Variants in FBXL4 observed in about 807,000 individuals in gnomAD.
The protein encoded by FBXL4 is F-box/LRR-repeat protein 4.
A neutral mutation model predicts 58.9 loss-of-function variants in FBXL4; 40 were observed. The observed-to-expected ratio is 0.68, with a 90% CI of 0.53 to 0.88. The LOEUF is 0.88. Among genes scored for constraint, FBXL4 ranks in the 40% least tolerant of loss-of-function variants. The pLI, the probability that FBXL4 is intolerant of heterozygous loss-of-function variation, is 0.00. For missense variants in FBXL4, 676 were observed against 734.4 expected (o/e 0.92, Z 0.92); for synonymous variants, 263 against 265.5 (o/e 0.99, Z 0.09).
chr6:98,883,829 A>G (rs1263216411), intron 7 of FBXL4, among the ~76,000 whole-genome samples: 5 of 151,370 alleles, frequency 3.3e-5, no homozygotes, highest in Non-Finnish European at 7.4e-5. Flanking sequence ...TATGGCAAAT[A>G]GCTTTTCCTC....
At chr6:98,914,351 G>A (rs1045156575) in intron 5 of FBXL4, among the ~76,000 whole-genome samples, 1 of 152,170 alleles carries the variant, frequency 6.6e-6, no homozygotes, top group Non-Finnish European at 1.5e-5. Context: ...AAGCTGGGCA[G>A]AGACACAACC....
chr6:98,947,107 A>T (rs1773649053), intron 1 of FBXL4, among the ~76,000 whole-genome samples: 1 of 152,248 alleles, frequency 6.6e-6, no homozygotes. Flanking sequence ...ACCTGACCAC[A>T]GGCTTATACC....
Position 98,874,348 on chromosome 6 carries a change from T to C in FBXL4, c.1796A>G (p.Asp599Gly), listed in dbSNP as rs757279926. Residue 599 changes from aspartate to glycine, a missense_variant, in exon 10 of 10, where the codon GAT becomes GGT. Asp to Gly is a moderately conservative substitution (Grantham distance 94). Coordinates refer to ENST00000369244, the MANE Select transcript of FBXL4 (RefSeq NM_001278716.2). ...ATTCAGTTCTAGCACAGCTCTGTTA[T>C]CAATCTGCGAACAGAAGGACACATC... ...LLDVSFCSQIDNRAVLELNAS... is the reference protein window; with the variant it reads ...LLDVSFCSQIGNRAVLELNAS... 3.7e-6 allele frequency: 6 copies of C among 1,613,078 alleles called. No individual in the cohort carries two copies. In the South Asian group the frequency reaches 4.4e-5, roughly 12 times the overall value.
At chr6:98,876,519 G>GTTTAAT (rs1188375001) in intron 8 of FBXL4, among the ~76,000 whole-genome samples, 5 of 152,098 alleles carry the variant, frequency 3.3e-5, no homozygotes, top group Non-Finnish European at 7.4e-5. Context: ...TTGTTCTTTT[G>GTTTAAT]TTTAATTGTA....
At chr6:98,939,175 TGA>T (rs1387914357) in intron 1 of FBXL4, among the ~76,000 whole-genome samples, 1 of 146,046 alleles carries the variant, frequency 6.8e-6, no homozygotes, top group Non-Finnish European at 1.5e-5. Context: ...CGAAATGAAA[TGA>T]GAGAGAGAAA....
chr6:98,890,189 A>G (rs894637507), intron 7 of FBXL4, among the ~76,000 whole-genome samples: 2 of 152,200 alleles, frequency 1.3e-5, no homozygotes. Context: ...TTTAATAAAG[A>G]ATGTAACCCT....
At chr6:98,878,059 T>C (rs1308176810) in intron 8 of FBXL4, among the ~76,000 whole-genome samples, 3 of 152,168 alleles carry the variant, frequency 2.0e-5, no homozygotes, top group Non-Finnish European at 4.4e-5. Flanking sequence ...AGAAAAAAAG[T>C]GACACAACTA....
At chr6:98,908,253 T>C (rs936687493) in intron 5 of FBXL4, among the ~76,000 whole-genome samples, 3 of 152,218 alleles carry the variant, frequency 2.0e-5, no homozygotes, top group Non-Finnish European at 4.4e-5. Context: ...AATAAATGTG[T>C]ATGAAATTCT....
At chr6:98,942,105 A>G (rs1192619986) in intron 1 of FBXL4, among the ~76,000 whole-genome samples, 1 of 152,036 alleles carries the variant, frequency 6.6e-6, no homozygotes. Flanking sequence ...TCTTATTCAC[A>G]TAGAAAAAAC....
intron 7 of FBXL4, among the ~76,000 whole-genome samples, chr6:98,880,947 GAAC>G (rs977330913): frequency 2.6e-5 from 4 of 151,892 alleles, no homozygotes; most frequent in Admixed American, 1.3e-4. Context: ...GGCTACAATT[GAAC>G]AACAAGACAA....
At chr6:98,875,812 C>A in intron 8 of FBXL4, 85 bp from the exon 9 acceptor site, 1 of 1,335,878 alleles carries the variant, frequency 7.5e-7, no homozygotes, top group Non-Finnish European at 1.1e-6. Flanking sequence ...TAATTATAAC[C>A]TATTGCTTTG....
rs368029297 is a variant in FBXL4, at chr6:98,905,446, G to A, written c.1083C>T (p.Ile361=). 4.3e-5 allele frequency: 69 copies of A among 1,614,068 alleles called. No homozygotes were observed. In the African/African-American group the frequency reaches 8.5e-4, roughly 20 times the overall value. The change falls in exon 6 of 10, where the codon ATC becomes ATT. Residue 361 remains isoleucine, a synonymous_variant. Transcript: ENST00000369244. ...NLSWTGNRGF[I]SVAGFSRFLK... Reference sequence around the variant, plus strand: ...CTAACCTGCTAAATCCTGCAACAGAGATGAAGCCTCTATTGCCAGTCCAAG... The same window carrying A: ...CTAACCTGCTAAATCCTGCAACAGAAATGAAGCCTCTATTGCCAGTCCAAG...
At chr6:98,939,863 G>A (rs556344817) in intron 1 of FBXL4, among the ~76,000 whole-genome samples, 79 of 152,310 alleles carry the variant, frequency 5.2e-4, no homozygotes, top group African/African-American at 1.9e-3. Flanking sequence ...GAGACAAACT[G>A]CTCATGTGTC....
At chr6:98,887,671 TG>T (rs58569133) in intron 7 of FBXL4, among the ~76,000 whole-genome samples, 13,457 of 152,256 alleles carry the variant, frequency 0.088, 889 homozygotes, top group East Asian at 0.28. Context: ...AGATTTATGT[TG>T]AATGATATAA....
chr6:98,898,540 G>A, intron 7 of FBXL4: 1 of 899,892 alleles, frequency 1.1e-6, no homozygotes, highest in Non-Finnish European at 1.3e-6. Flanking sequence ...GTCAGGCGGA[G>A]GTTTCAGTGA....
At chr6:98,901,971 A>G (rs371320525) in intron 6 of FBXL4, among the ~76,000 whole-genome samples, 1 of 152,168 alleles carries the variant, frequency 6.6e-6, no homozygotes, top group East Asian at 1.9e-4. Context: ...GTCTCCTGCT[A>G]TGAGAAAAGG....
chr6:98,942,711 G>A (rs1249068206), intron 1 of FBXL4, among the ~76,000 whole-genome samples: 1 of 151,974 alleles, frequency 6.6e-6, no homozygotes, highest in Non-Finnish European at 1.5e-5. Context: ...AAATTACCCA[G>A]TCTCAGGTAT....
chr6:98,899,184 C>T, intron 7 of FBXL4, 84 bp downstream of exon 7: 1 of 1,547,052 alleles, frequency 6.5e-7, no homozygotes. Context: ...AAATAAAAAA[C>T]ACATTATTAT....
At chr6:98,892,583 A>T (rs1359315824) in intron 7 of FBXL4, among the ~76,000 whole-genome samples, 1 of 152,242 alleles carries the variant, frequency 6.6e-6, no homozygotes, top group Non-Finnish European at 1.5e-5. Flanking sequence ...AAATTAAATC[A>T]CACTCTTTCA....
Sources: gnomAD v4.1 joint callset for allele counts (sites outside exome capture counted in the v4.1 genomes callset) on GRCh38, gnomAD v4.1.1 for gene constraint, MANE v1.5 for transcripts, NCBI Gene and HGNC (gene_info 2026-07-23, HGNC 2026-07-21) for gene names.